The following ITGA3 variants were observed in gnomAD, a reference collection of about 807,000 sequenced individuals.
ITGA3 encodes the protein integrin alpha-3.
Under a neutral mutation model 131.1 loss-of-function variants are expected in ITGA3, and 70 were observed. The observed-to-expected ratio is 0.53, with a 90% CI of 0.44 to 0.65. The LOEUF (loss-of-function observed/expected upper bound fraction) is 0.65, where lower values mean the gene tolerates loss of function less well. Ranked by LOEUF, ITGA3 falls within the 30% of genes least tolerant of loss-of-function variation. ITGA3 has a pLI of 0.00. For synonymous variants in ITGA3, 537 were observed against 571.6 expected, an observed-to-expected ratio of 0.94 and a Z score of 0.86; for missense variants, 1,098 against 1,388.6, an observed-to-expected ratio of 0.79 and a Z score of 3.33.
At chr17:50,076,831 C>T (rs1170241587) in intron 14 of ITGA3, 143 bp from the exon 15 acceptor site, 2 of 1,172,538 alleles carry the variant, frequency 1.7e-6, no homozygotes, top group African/African-American at 3.0e-5. Context: ...GGGGCTTTCT[C>T]CTCCAGGTGC....
At chr17:50,057,638 C>T (rs1162289350) in intron 1 of ITGA3, among the ~76,000 whole-genome samples, 1 of 152,222 alleles carries the variant, frequency 6.6e-6, no homozygotes, top group Admixed American at 6.5e-5. Context: ...ACAGGTTAAG[C>T]AGGTACCATC....
intron 1 of ITGA3, among the ~76,000 whole-genome samples, chr17:50,057,021 C>T (rs9912477): frequency 6.6e-6 from 1 of 152,214 alleles, no homozygotes; most frequent in African/African-American, 2.4e-5. Flanking sequence ...CGGACTCCCC[C>T]CTTCCCGTAC....
In ITGA3 at chr17:50,090,280, C is replaced by T; in HGVS notation, c.*1202C>T. The T allele has an allele frequency of 2.2e-6, 1 of 456,446 alleles. No homozygotes were observed. Among genetic ancestry groups the T allele is most frequent in the Non-Finnish European group, 4.4e-6 (1 of 226,860 alleles). The allele number at this position is 456,446 out of a possible 1,614,324, so 28.3% of individuals were successfully genotyped here. On this transcript the variant is annotated 3_prime_UTR_variant, in exon 26 of 26. Coordinates refer to ENST00000320031, the MANE Select transcript of ITGA3 (RefSeq NM_002204.4). ...AGAGCCAGCCTGGCTCTGCCCCCTC[C>T]CCCATGGGCTGTGTCCTAAGGCCCA...
intron 1 of ITGA3, among the ~76,000 whole-genome samples, chr17:50,059,003 G>A (rs1289779940): frequency 1.3e-5 from 2 of 152,230 alleles, no homozygotes; most frequent in African/African-American, 4.8e-5. Flanking sequence ...GGAGAGCACA[G>A]CTTTCTTGTT....
At chr17:50,075,848 G>C in intron 12 of ITGA3, 113 bp downstream of exon 12, 1 of 1,133,284 alleles carries the variant, frequency 8.8e-7, no homozygotes, top group Non-Finnish European at 1.3e-6. Flanking sequence ...CAGAGGTTGG[G>C]GACATCGGTT....
rs1364775424 is a variant in ITGA3 at position 50,056,230 on chromosome 17, A to G, written c.-210A>G. ...GCGACCCGGCCGCTGGGGAGGCAGG[A>G]AGATAGACCCACGGATCTTAGGAAG... On this transcript the variant is annotated 5_prime_UTR_variant, in exon 1 of 26. Coordinates refer to ENST00000320031, the MANE Select transcript of ITGA3 (RefSeq NM_002204.4). This position sits in a 1 kb window ranked among gnomAD's most constrained non-coding sequence, Gnocchi z 5.6. 5 of 446,362 alleles carry G rather than the reference A, an allele frequency of 1.1e-5. No individual in the cohort carries two copies. The highest frequency in any genetic ancestry group is 2.1e-5 in the African/African-American group (1 of 48,420). The allele number at this position is 446,362 out of a possible 1,614,324, so 27.7% of individuals were successfully genotyped here.
intron 1 of ITGA3, among the ~76,000 whole-genome samples, chr17:50,059,949 G>A (rs1003647285): frequency 6.6e-6 from 1 of 152,104 alleles, no homozygotes; most frequent in African/African-American, 2.4e-5. Context: ...TGGTTCTAGG[G>A]CTGAGTCACC....
At position 50,074,457 on chromosome 17, in the gene ITGA3, C is replaced by G. The variant is rs1126539; in HGVS notation, c.1392C>G (p.Pro464=). ...TCTGTTGTCTCTGCAGGGCCCGGCC[C>G]GTCATCAACATCGTCCACAAGACCT... The part of the protein sequence containing the change: ...SDHIVLLRAR[P]VINIVHKTLV... Residue 464 remains proline (P), a synonymous_variant, in exon 10 of 26, where the codon CCC becomes CCG. Coordinates refer to ENST00000320031, the MANE Select transcript of ITGA3 (RefSeq NM_002204.4). The G allele has an allele frequency of 1.2e-6, 2 of 1,613,888 alleles. No individual in the cohort carries two copies. The highest frequency in any genetic ancestry group is 1.7e-5 in the Admixed American group (1 of 60,002).
intron 16 of ITGA3, among the ~76,000 whole-genome samples, chr17:50,077,651 C>T (rs1908978076): frequency 6.6e-6 from 1 of 152,160 alleles, no homozygotes; most frequent in Non-Finnish European, 1.5e-5. Context: ...GTGCACAAAG[C>T]TAGAGCAGGT....
At chr17:50,061,019 C>T (rs910519000) in intron 1 of ITGA3, among the ~76,000 whole-genome samples, 1 of 152,218 alleles carries the variant, frequency 6.6e-6, no homozygotes, top group African/African-American at 2.4e-5. Flanking sequence ...CACCCGCCTT[C>T]CCCCATCCAT....
intron 22 of ITGA3, among the ~76,000 whole-genome samples, chr17:50,080,804 C>T (rs991683825): frequency 2.0e-5 from 3 of 152,122 alleles, no homozygotes; most frequent in Non-Finnish European, 4.4e-5. Context: ...CCACACATGC[C>T]ATTTATCACG....
chr17:50,068,286 C>T lies in ITGA3; in HGVS notation c.645C>T (p.Pro215=), dbSNP rs150288242. Residue 215 remains proline, a synonymous_variant, in exon 4 of 26, where the codon CCC becomes CCT. Transcript: ENST00000320031. ...FTQNTVYFGA[P]GAYNWKGNSY... Reference sequence around the variant, plus strand: ...AGAACACTGTGTACTTCGGCGCCCCCGGTGCCTACAACTGGAAAGGTGGGG... The same window carrying T: ...AGAACACTGTGTACTTCGGCGCCCCTGGTGCCTACAACTGGAAAGGTGGGG... 110 of 1,613,246 alleles carry T rather than the reference C, an allele frequency of 6.8e-5. No homozygotes were observed. The highest frequency in any genetic ancestry group is 8.1e-5 in the Non-Finnish European group (95 of 1,180,020).
chr17:50,084,111 G>A (rs1357610043), intron 23 of ITGA3, among the ~76,000 whole-genome samples: 4 of 150,752 alleles, frequency 2.7e-5, no homozygotes, highest in Non-Finnish European at 5.9e-5. Context: ...GTGCATGCCT[G>A]TAATTCTAGC....
intron 1 of ITGA3, among the ~76,000 whole-genome samples, chr17:50,058,116 GAA>G (rs999401192): frequency 1.4e-4 from 21 of 152,248 alleles, no homozygotes. Flanking sequence ...AGACTGGAAA[GAA>G]AGAGTCAATA....
chr17:50,060,255 G>T (rs1218834658), intron 1 of ITGA3, among the ~76,000 whole-genome samples: 1 of 152,176 alleles, frequency 6.6e-6, no homozygotes, highest in African/African-American at 2.4e-5. Context: ...AGATCCTTTG[G>T]CCCCCTCTGG....
intron 6 of ITGA3, 33 bp from the exon 7 acceptor site, chr17:50,071,953 C>T (rs369616046): frequency 5.8e-5 from 92 of 1,583,862 alleles, no homozygotes; most frequent in Admixed American, 8.4e-5. Flanking sequence ...GGAGGCTGAC[C>T]TCACACTCCC....
Position 50,070,899 on chromosome 17 carries a change from G to A in ITGA3, c.720G>A (p.Lys240=). 6.2e-7 allele frequency: 1 copy of A among 1,611,020 alleles called. No individual in the cohort carries two copies. Residue 240 remains lysine (K), a synonymous_variant, in exon 5 of 26, where the codon AAG becomes AAA. Transcript: ENST00000320031. ...GGGACTTATCTGAGTATAGTTACAA[G>A]GACCCAGAGGACCAAGGAAACCTCT... is the stretch of plus-strand genomic sequence containing the variant. ...KEWDLSEYSY[K]DPEDQGNLYI... is the part of the protein sequence containing the mutation.
chr17:50,077,098 C>A lies in ITGA3; in HGVS notation c.2047C>A (p.Leu683Met). 6.4e-7 allele frequency: 1 copy of A among 1,571,212 alleles called. No homozygotes were observed. Among genetic ancestry groups the A allele is most frequent in the Non-Finnish European group, 8.7e-7 (1 of 1,155,380 alleles). ...ALLTLVVPPA[L>M]LLSSVRPPGA... ...GCTCACCCTGGTGGTGCCTCCCGCC[C>A]TGCTGCTGTCCTCAGTGCGCCCCGT... The change falls in exon 15 of 26, where the codon CTG becomes ATG. Residue 683 changes from leucine to methionine, a missense_variant. Around this residue, in one of 3 missense-constraint regions of ITGA3, gnomAD observed 699 missense variants for 829.2 expected, o/e 0.84. Transcript: ENST00000320031.
Position 50,070,882 on chromosome 17 carries a change from T to G in ITGA3, c.703T>G (p.Ser235Ala). Residue 235 changes from serine to alanine, a missense_variant, in exon 5 of 26, where the codon TCT (serine) becomes GCT (alanine). Ser to Ala is a moderately conservative substitution (Grantham distance 99). Transcript: ENST00000320031. ...YMIQRKEWDL[S>A]EYSYKDPEDQ... ...GATTCAGCGCAAGGAGTGGGACTTA[T>G]CTGAGTATAGTTACAAGGACCCAGA... 1 of 1,612,796 alleles carries G rather than the reference T, an allele frequency of 6.2e-7. No individual in the cohort carries two copies. The highest frequency in any genetic ancestry group is 8.5e-7 in the Non-Finnish European group (1 of 1,178,998).
Sources: gnomAD v4.1 joint callset for allele counts (sites outside exome capture counted in the v4.1 genomes callset) on GRCh38, gnomAD v4.1.1 for gene constraint, gnomAD v4.1.1 regional missense constraint, Gnocchi (gnomAD v3.1) non-coding constraint, MANE v1.5 for transcripts, NCBI Gene and HGNC (gene_info 2026-07-23, HGNC 2026-07-21) for gene names.